GARNL3: variants seen among roughly 807,000 people sequenced by gnomAD.
GARNL3 encodes GTPase activating Rap/RanGAP domain like 3.
A neutral mutation model predicts 125.0 loss-of-function variants in GARNL3; 63 were observed. The observed-to-expected ratio is 0.50, with a 90% CI of 0.41 to 0.62. The LOEUF is 0.62. Among genes scored for constraint, GARNL3 ranks in the 20% least tolerant of loss-of-function variants. The pLI is 0.00. For missense variants in GARNL3, 994 were observed against 1,244.0 expected (o/e 0.80, Z 3.02); for synonymous variants, 439 against 457.5 (o/e 0.96, Z 0.52).
chr9:127,243,301 C>T, intron 2 of GARNL3: 1 of 1,299,636 alleles, frequency 7.7e-7, no homozygotes, highest in South Asian at 1.2e-5. Flanking sequence ...TTCACTATAG[C>T]TTGAAATCCC....
chr9:127,234,867 C>T (rs1251326769), intron 1 of GARNL3, among the ~76,000 whole-genome samples: 1 of 152,126 alleles, frequency 6.6e-6, no homozygotes, highest in Non-Finnish European at 1.5e-5. Context: ...GAGAGCTGAG[C>T]CCTCGTGTCC....
At chr9:127,225,386 C>A (rs1293649333) in intron 1 of GARNL3, 7 of 984,144 alleles carry the variant, frequency 7.1e-6, no homozygotes, top group Non-Finnish European at 7.2e-6. Flanking sequence ...GCAGGGGGTG[C>A]AGCTTCGAGA....
chr9:127,332,420 G>C, intron 8 of GARNL3, 71 bp downstream of exon 8: 1 of 1,219,904 alleles, frequency 8.2e-7, no homozygotes, highest in East Asian at 2.3e-5. Flanking sequence ...GCCAGTTGGA[G>C]CTTAACTTGT....
At chr9:127,291,726 C>CTTTTTTTTT (rs142800268) in intron 2 of GARNL3, among the ~76,000 whole-genome samples, 1 of 59,304 alleles carries the variant, frequency 1.7e-5, no homozygotes, top group Non-Finnish European at 3.1e-5. Context: ...ACTCACCTTG[C>CTTTTTTTTT]TTTTTTTTTT....
intron 5 of GARNL3, among the ~76,000 whole-genome samples, chr9:127,319,917 A>C (rs1027257289): frequency 1.3e-5 from 2 of 152,246 alleles, no homozygotes; most frequent in African/African-American, 4.8e-5. Context: ...AAGATTTTAA[A>C]GATATGACAA....
intron 16 of GARNL3, 106 bp from the exon 17 acceptor site, chr9:127,348,818 G>C (rs760721940): frequency 2.9e-6 from 2 of 684,902 alleles, no homozygotes; most frequent in South Asian, 4.1e-5. Context: ...TCCCACGGGG[G>C]TATCTGTGTT....
chr9:127,225,942 G>T, intron 1 of GARNL3, among the ~76,000 whole-genome samples: 1 of 152,150 alleles, frequency 6.6e-6, no homozygotes, highest in East Asian at 1.9e-4. Context: ...CCGCCCGGGC[G>T]CGTGCCCTCC....
intron 11 of GARNL3, among the ~76,000 whole-genome samples, chr9:127,337,766 A>T (rs1448118143): frequency 1.3e-5 from 2 of 152,228 alleles, no homozygotes; most frequent in African/African-American, 4.8e-5. Flanking sequence ...CTAATTTCCT[A>T]TTGGGATCTT....
intron 18 of GARNL3, 41 bp downstream of exon 18, chr9:127,353,985 A>G (rs1345039258): frequency 7.4e-7 from 1 of 1,354,304 alleles, no homozygotes; most frequent in South Asian, 1.2e-5. Context: ...GAGGAAGGAA[A>G]ACAGTTGCCT....
At chr9:127,284,633 T>G (rs532477667) in intron 1 of GARNL3, among the ~76,000 whole-genome samples, 15 of 152,204 alleles carry the variant, frequency 9.9e-5, no homozygotes, top group Admixed American at 7.8e-4. Context: ...AAAATGTGAA[T>G]TTTTCTGTAA....
chr9:127,263,626 T>G (rs1223190216), upstream of GARNL3: 10 of 970,460 alleles, frequency 1.0e-5, no homozygotes, highest in Non-Finnish European at 1.2e-5. Context: ...AAGGTTTTTA[T>G]TCTTTTTTGG....
chr9:127,257,061 A>G (rs569235558), intron 2 of GARNL3, among the ~76,000 whole-genome samples: 1 of 152,354 alleles, frequency 6.6e-6, no homozygotes, highest in African/African-American at 2.4e-5. Flanking sequence ...TCCATTCAGC[A>G]TAGTTCCCTG....
intron 22 of GARNL3, among the ~76,000 whole-genome samples, chr9:127,372,053 C>T (rs868555175): frequency 6.6e-6 from 1 of 152,222 alleles, no homozygotes; most frequent in Admixed American, 6.5e-5. Context: ...CTGCGTCAGC[C>T]TCCCGAGTAG....
Position 127,383,433 on chromosome 9 carries a change from T to C in GARNL3, c.2162-5T>C. ...AAAAATGAGTTGCTGTTGTTTTCAT[T>C]GCAGACAGTTGCATCTATAAAAAGG... On this transcript the variant is annotated splice_polypyrimidine_tract_variant and splice_region_variant and intron_variant, in intron 22 of 27. Coordinates refer to ENST00000373387, the MANE Select transcript of GARNL3 (RefSeq NM_032293.5). 1 of 1,584,830 alleles carries C rather than the reference T, an allele frequency of 6.3e-7. No individual in the cohort carries two copies. The highest frequency in any genetic ancestry group is 8.6e-7 in the Non-Finnish European group (1 of 1,161,334).
At chr9:127,295,908 T>C (rs976508802) in intron 2 of GARNL3, among the ~76,000 whole-genome samples, 3 of 152,132 alleles carry the variant, frequency 2.0e-5, no homozygotes, top group African/African-American at 7.2e-5. Flanking sequence ...TACATTGTAA[T>C]ATATAATGAA....
At chr9:127,269,059 C>A (rs1047831955) in intron 1 of GARNL3, among the ~76,000 whole-genome samples, 9 of 152,144 alleles carry the variant, frequency 5.9e-5, no homozygotes, top group Admixed American at 3.3e-4. Flanking sequence ...GGTGCAGTGG[C>A]ACAGTCATGG....
At chr9:127,271,936 A>G (rs10513479) in intron 1 of GARNL3, among the ~76,000 whole-genome samples, 4,555 of 150,346 alleles carry the variant, frequency 0.03, 644 homozygotes, top group African/African-American at 0.11. Flanking sequence ...CCTGCTATAT[A>G]GGAAATAAAT....
At chr9:127,376,537 G>A (rs893144196) in intron 22 of GARNL3, among the ~76,000 whole-genome samples, 1 of 151,982 alleles carries the variant, frequency 6.6e-6, no homozygotes, top group African/African-American at 2.4e-5. Context: ...ACATTTTAAC[G>A]TCTCTGAATT....
rs2065149515 is a variant in GARNL3, at chr9:127,313,439, A to G, written c.320-2A>G. ...TCACTGTTCTAAACCTTTCTTTTCCAGTCCATCAGAACTACATTGGAAACG... is the reference window on the plus strand; with the variant it reads ...TCACTGTTCTAAACCTTTCTTTTCCGGTCCATCAGAACTACATTGGAAACG... On this transcript the variant is annotated splice_acceptor_variant, in intron 3 of 27. Transcript: ENST00000373387. LOFTEE classifies it high-confidence loss of function. 1.2e-6 allele frequency: 2 copies of G among 1,606,522 alleles called. No homozygotes were observed. Among genetic ancestry groups the G allele is most frequent in the Admixed American group, 3.3e-5 (2 of 59,988 alleles).
Sources: gnomAD v4.1 joint callset for allele counts (sites outside exome capture counted in the v4.1 genomes callset) on GRCh38, gnomAD v4.1.1 for gene constraint, MANE v1.5 for transcripts, NCBI Gene and HGNC (gene_info 2026-07-23, HGNC 2026-07-21) for gene names.